The following GUCY1A2 variants were observed in gnomAD, a reference collection of about 807,000 sequenced individuals.
GUCY1A2 encodes the protein guanylate cyclase 1 soluble subunit alpha 2.
In GUCY1A2, 27 loss-of-function variants were observed where a neutral mutation model predicts 63.5. The ratio of observed to expected loss-of-function variants is 0.43; its 90% CI spans 0.31 to 0.59. The LOEUF (loss-of-function observed/expected upper bound fraction) is 0.59. Among genes scored for constraint, GUCY1A2 ranks in the 20% least tolerant of loss-of-function variants. GUCY1A2 has a pLI of 0.11. For synonymous variants in GUCY1A2, 364 were observed against 343.5 expected, an observed-to-expected ratio of 1.06 and a Z score of -0.66; for missense variants, 768 against 913.3, an observed-to-expected ratio of 0.84 and a Z score of 2.05.
chr11:106,826,425 A>G, intron 4 of GUCY1A2: 1 of 1,562,162 alleles, frequency 6.4e-7, no homozygotes, highest in Non-Finnish European at 8.8e-7. Context: ...CAATATTTGG[A>G]TCTAGCAGAT....
At position 106,810,398 on chromosome 11, in the gene GUCY1A2, C is replaced by T. The variant is rs1858747520; in HGVS notation, c.1287G>A (p.Lys429=). Residue 429 remains lysine, a synonymous_variant, in exon 5 of 8, where the codon AAG becomes AAA. Coordinates refer to ENST00000526355, the MANE Select transcript of GUCY1A2 (RefSeq NM_000855.3). ...ILFLGSPCVD[K]LDELMGRGLH... ...GCCCTCGGCCCATGAGTTCATCCAA[C>T]TTGTCCACACATGGAGAGCCCAAAA... is the stretch of plus-strand genomic sequence containing the variant. 7 of 1,613,668 alleles carry T rather than the reference C, an allele frequency of 4.3e-6. No homozygotes were observed. The East Asian group carries it at 1.6e-4, about 36-fold the overall frequency.
intron 3 of GUCY1A2, among the ~76,000 whole-genome samples, chr11:106,950,743 A>G (rs1860895589): frequency 6.6e-6 from 1 of 152,230 alleles, no homozygotes; most frequent in Non-Finnish European, 1.5e-5. Flanking sequence ...CTGTTAATCA[A>G]TGCCAATGCC....
At chr11:106,905,385 C>T (rs1860190570) in intron 4 of GUCY1A2, among the ~76,000 whole-genome samples, 1 of 152,104 alleles carries the variant, frequency 6.6e-6, no homozygotes. Context: ...TTGAAAGTTA[C>T]AAGATCAGAT....
intron 4 of GUCY1A2, among the ~76,000 whole-genome samples, chr11:106,905,355 T>C (rs1028012700): frequency 5.3e-5 from 8 of 152,222 alleles, no homozygotes; most frequent in Non-Finnish European, 1.2e-4. Flanking sequence ...CAGAAACTTA[T>C]TTTCTCACAT....
intron 4 of GUCY1A2, among the ~76,000 whole-genome samples, chr11:106,851,132 T>A (rs1170123021): frequency 6.6e-6 from 1 of 152,060 alleles, no homozygotes. Flanking sequence ...GCCATTTGTA[T>A]GTCTCCCTTT....
intron 4 of GUCY1A2, chr11:106,826,455 A>G: frequency 1.9e-6 from 3 of 1,580,354 alleles, no homozygotes; most frequent in Non-Finnish European, 2.6e-6. Flanking sequence ...ATGATGAAAG[A>G]TTCATTTGGT....
chr11:106,965,901 ACCTCCT>A, intron 3 of GUCY1A2, among the ~76,000 whole-genome samples: 1 of 146,604 alleles, frequency 6.8e-6, no homozygotes. Context: ...ATTAACCTCA[ACCTCCT>A]CCATATTAAA....
chr11:106,737,945 G>C (rs1228985145), intron 6 of GUCY1A2, among the ~76,000 whole-genome samples: 1 of 152,106 alleles, frequency 6.6e-6, no homozygotes, highest in Admixed American at 6.5e-5. Context: ...GGTAATTCTG[G>C]TTCTAGATCC....
chr11:106,892,462 T>G (rs989789187), intron 4 of GUCY1A2, among the ~76,000 whole-genome samples: 13 of 152,150 alleles, frequency 8.5e-5, no homozygotes, highest in Non-Finnish European at 1.6e-4. Context: ...GAACTGTTAC[T>G]TTTCTTTTTT....
At chr11:107,004,027 A>C (rs1041889593) in intron 1 of GUCY1A2, among the ~76,000 whole-genome samples, 29 of 152,184 alleles carry the variant, frequency 1.9e-4, no homozygotes, top group Admixed American at 5.2e-4. Flanking sequence ...ATGGTGATTA[A>C]TCATGGGAAT....
intron 3 of GUCY1A2, among the ~76,000 whole-genome samples, chr11:106,953,067 T>C (rs759691302): frequency 5.9e-5 from 9 of 152,204 alleles, no homozygotes; most frequent in Non-Finnish European, 1.2e-4. Flanking sequence ...TAATACTATG[T>C]TGAATAGGAG....
At chr11:106,995,047 C>T (rs960157825) in intron 1 of GUCY1A2, among the ~76,000 whole-genome samples, 7 of 152,098 alleles carry the variant, frequency 4.6e-5, no homozygotes, top group African/African-American at 1.7e-4. Context: ...GACATTTTCT[C>T]AGGAAAATGG....
chr11:106,927,765 G>C (rs888996920), intron 4 of GUCY1A2, among the ~76,000 whole-genome samples: 1 of 150,960 alleles, frequency 6.6e-6, no homozygotes, highest in African/African-American at 2.4e-5. Context: ...GTAGACACGG[G>C]GTTTCACCAT....
intron 5 of GUCY1A2, among the ~76,000 whole-genome samples, chr11:106,790,984 C>T (rs1864649299): frequency 6.6e-6 from 1 of 152,112 alleles, no homozygotes; most frequent in Non-Finnish European, 1.5e-5. Context: ...CCTTAGCTGC[C>T]CAAGTTGGTA....
chr11:106,750,893 GTCAA>G (rs1283293942), intron 6 of GUCY1A2, among the ~76,000 whole-genome samples: 1 of 151,420 alleles, frequency 6.6e-6, no homozygotes, highest in Non-Finnish European at 1.5e-5. Context: ...GATCCTACTT[GTCAA>G]TCAAATTGAC....
At position 106,823,999 on chromosome 11, in the gene GUCY1A2, A is replaced by C. The variant is rs540332192; in HGVS notation, c.1207-13521T>G. ...TGCGCATATAGTTATTGCTTTTATA[A>C]ATTTGTTTTCCGTGATTCCTTCAAA... On this transcript the variant is annotated intron_variant, in intron 4 of 7. Transcript: ENST00000526355. The C allele has an allele frequency of 3.8e-6, 4 of 1,047,194 alleles. No homozygotes were observed. The East Asian group carries it at 1.1e-4, about 29-fold the overall frequency. 64.9% of individuals were successfully genotyped at this position (1,047,194 alleles called of 1,614,324 possible).
intron 5 of GUCY1A2, among the ~76,000 whole-genome samples, chr11:106,777,534 C>T (rs1864379912): frequency 6.6e-6 from 1 of 151,458 alleles, no homozygotes; most frequent in African/African-American, 2.4e-5. Context: ...TTTGCAGGGA[C>T]ATGGTTGAAG....
intron 4 of GUCY1A2, among the ~76,000 whole-genome samples, chr11:106,912,667 G>C (rs925770601): frequency 6.6e-6 from 1 of 152,064 alleles, no homozygotes; most frequent in East Asian, 1.9e-4. Context: ...TCCTGTCAAT[G>C]AAATAGATGA....
At position 106,775,578 on chromosome 11, in the gene GUCY1A2, T is replaced by C. The variant is rs527267110; in HGVS notation, c.1836+861A>G. Among the ~76,000 whole-genome samples the C allele has an allele frequency of 2.5e-3, 378 of 152,222 alleles. 1 individual carries two copies. The highest frequency in any genetic ancestry group is 4.7e-3 in the Non-Finnish European group (323 of 68,002). On this transcript the variant is annotated intron_variant, in intron 6 of 7. Coordinates refer to ENST00000526355, the MANE Select transcript of GUCY1A2 (RefSeq NM_000855.3). ...ATAGTTTTTTAAAAATATTTTTTAA[T>C]ATATTTAACCCAATATTTTCATAAT...
Sources: gnomAD v4.1 joint callset for allele counts (sites outside exome capture counted in the v4.1 genomes callset) on GRCh38, gnomAD v4.1.1 for gene constraint, MANE v1.5 for transcripts, NCBI Gene and HGNC (gene_info 2026-07-23, HGNC 2026-07-21) for gene names.